Variants in DSEL observed in about 807,000 individuals in gnomAD.
DSEL encodes dermatan-sulfate epimerase-like protein.
In DSEL, 61 loss-of-function variants were observed where a neutral mutation model predicts 96.6. The observed-to-expected ratio is 0.63, with a 90% CI of 0.51 to 0.78. DSEL has a LOEUF of 0.78. Ranked by LOEUF, DSEL falls within the 30% of genes least tolerant of loss-of-function variation. The pLI is 0.00. For synonymous variants in DSEL, 514 were observed against 502.0 expected (o/e 1.02, Z -0.32); for missense variants, 1,320 against 1,430.8 (o/e 0.92, Z 1.25).
Position 67,512,235 on chromosome 18 carries a change from G to A in DSEL, c.2374C>T (p.Arg792Cys), listed in dbSNP as rs145784280. 3.1e-4 allele frequency: 500 copies of A among 1,613,980 alleles called. 4 individuals carry two copies. In the African/African-American group the frequency reaches 4.3e-3, roughly 14 times the overall value. ...AGTTTTCTAAAAGAAAGGTAAAAAC[G>A]CCATTGGAAAGTTAAAATCACCAAG... ...ISLVILTFQW[R>C]FYLSFRKLMR... The change falls in exon 2 of 2, where the codon CGT becomes TGT. Residue 792 changes from arginine to cysteine, a missense_variant. Around this residue, in one of 3 missense-constraint regions of DSEL, gnomAD observed 986 missense variants for 1,066.4 expected, o/e 0.92. Coordinates refer to ENST00000310045, the MANE Select transcript of DSEL (RefSeq NM_032160.3).
chr18:67,513,097 A>C lies in DSEL; in HGVS notation c.1512T>G (p.Ala504=). ...LSHLNNVLVF[A]PSPSSQCNKP... ...TATTACACTGGCTTGAGGGTGATGG[A>C]GCAAACACCAATACATTGTTAAGGT... Residue 504 remains alanine (A), a synonymous_variant, in exon 2 of 2, where the codon GCT becomes GCG. Transcript: ENST00000310045. 1 of 1,614,164 alleles carries C rather than the reference A, an allele frequency of 6.2e-7. No individual in the cohort carries two copies. The highest frequency in any genetic ancestry group is 8.5e-7 in the Non-Finnish European group (1 of 1,180,036).
Position 67,508,209 on chromosome 18 carries a change from C to T in DSEL, c.*2761G>A, listed in dbSNP as rs887195263. On this transcript the variant is annotated 3_prime_UTR_variant, in exon 2 of 2. Coordinates refer to ENST00000310045, the MANE Select transcript of DSEL (RefSeq NM_032160.3). The stretch of plus-strand genomic sequence containing the variant: ...TCCCTCTTTTAATTATTTCAAAGAA[C>T]AAAAATAAGAGTAGAAGCTATTTAA... The T allele has an allele frequency of 5.9e-5, 9 of 152,000 alleles. No homozygotes were observed. Among genetic ancestry groups the T allele is most frequent in the Non-Finnish European group, 1.3e-4 (9 of 68,000 alleles). 9.4% of individuals were successfully genotyped at this position (152,000 alleles called of 1,614,324 possible).
Position 67,514,174 on chromosome 18 carries a change from G to C in DSEL, c.435C>G (p.Val145=), listed in dbSNP as rs1446765854. ...CAACCATCCTGTCCATATATTCCAA[G>C]ACAAATTCAAAGGCAACTTTGTCTT... The part of the protein sequence containing the change: ...CPEDKVAFEF[V]LEYMDRMVGY... Residue 145 remains valine (V), a synonymous_variant, in exon 2 of 2, where the codon GTC becomes GTG. Transcript: ENST00000310045. 1 of 1,614,156 alleles carries C rather than the reference G, an allele frequency of 6.2e-7. No individual in the cohort carries two copies. The highest frequency in any genetic ancestry group is 1.1e-5 in the South Asian group (1 of 91,078).
Position 67,512,271 on chromosome 18 carries a change from AAATT to A in DSEL, c.2334_2337del (p.Leu778PhefsTer7). On this transcript the variant is annotated frameshift_variant, in exon 2 of 2. Transcript: ENST00000310045. LOFTEE classifies it high-confidence loss of function. ...GTTAAAATCACCAAGCTAATGCACAAAATTAATCCAACTGCTATATTAAATTTAA... is the reference window on the plus strand; with the variant it reads ...GTTAAAATCACCAAGCTAATGCACAAAATCCAACTGCTATATTAAATTTAA... The A allele has an allele frequency of 1.9e-6, 3 of 1,614,126 alleles. No homozygotes were observed. The highest frequency in any genetic ancestry group is 2.5e-6 in the Non-Finnish European group (3 of 1,180,026).
rs573559699 is a variant in DSEL, at chr18:67,514,387, T to G, written c.222A>C (p.Ala74=). Residue 74 remains alanine (A), a synonymous_variant, in exon 2 of 2, where the codon GCA becomes GCC. Coordinates refer to ENST00000310045, the MANE Select transcript of DSEL (RefSeq NM_032160.3). ...SLYFDAGEIQ[A]MRQKSRASHL... is the part of the protein sequence containing the mutation. Reference sequence around the variant, plus strand: ...GGCTTGCACGAGACTTTTGTCTCATTGCTTGGATTTCTCCAGCATCAAAAT... The same window carrying G: ...GGCTTGCACGAGACTTTTGTCTCATGGCTTGGATTTCTCCAGCATCAAAAT... The G allele has an allele frequency of 3.7e-6, 6 of 1,614,228 alleles. No homozygotes were observed. In the South Asian group the frequency reaches 6.6e-5, roughly 18 times the overall value.
chr18:67,512,477 G>C lies in DSEL; in HGVS notation c.2132C>G (p.Thr711Ser), dbSNP rs1482730809. The C allele has an allele frequency of 1.2e-6, 2 of 1,614,008 alleles. No homozygotes were observed. Among genetic ancestry groups the C allele is most frequent in the Non-Finnish European group, 8.5e-7 (1 of 1,179,906 alleles). The change falls in exon 2 of 2, where the codon ACT (threonine) becomes AGT (serine). Residue 711 changes from threonine (T) to serine (S), a missense_variant. Transcript: ENST00000310045. ...AGTTACAATAGAAACAACATGTTCA[G>C]TATTATTGACATTGAGAGAAATCTG... ...GLQISLNVNN[T>S]EHVVSIVTDY...
rs777341045 is a variant in DSEL, at chr18:67,515,125, A to G, written c.-517T>C. 1.2e-5 allele frequency: 2 copies of G among 168,524 alleles called. No homozygotes were observed. The highest frequency in any genetic ancestry group is 3.8e-4 in the East Asian group (2 of 5,210). 10.4% of individuals were successfully genotyped at this position (168,524 alleles called of 1,614,324 possible). Reference sequence around the variant, plus strand: ...ATGAAGTACTGACATTCTTCGAGTGAGTGGACTCAGTTGTCATTCCTCTCA... The same window carrying G: ...ATGAAGTACTGACATTCTTCGAGTGGGTGGACTCAGTTGTCATTCCTCTCA... On this transcript the variant is annotated 5_prime_UTR_variant, in exon 2 of 2. Transcript: ENST00000310045.
Position 67,511,525 on chromosome 18 carries a change from G to C in DSEL, c.3084C>G (p.Tyr1028Ter). The change falls in exon 2 of 2, where the codon TAC (tyrosine) becomes TAG (stop). Residue 1028 changes from tyrosine to a stop codon, truncating the protein, a stop_gained. Transcript: ENST00000310045. LOFTEE classifies it high-confidence loss of function. ...TCCATGCCCGAGGGTCTCTTACTATGTACAATGCCCTCATCGAAGCTCCTA... is the reference window on the plus strand; with the variant it reads ...TCCATGCCCGAGGGTCTCTTACTATCTACAATGCCCTCATCGAAGCTCCTA... ...EVLGASMRAL[Y>*]IVRDPRAWIY... is the part of the protein sequence containing the mutation. 6.2e-7 allele frequency: 1 copy of C among 1,613,696 alleles called. No homozygotes were observed. The highest frequency in any genetic ancestry group is 8.5e-7 in the Non-Finnish European group (1 of 1,179,996).
Position 67,506,622 on chromosome 18 carries a change from T to C in DSEL, c.*4348A>G, listed in dbSNP as rs1211460509. 6.6e-6 allele frequency: 1 copy of C among 151,626 alleles called. No individual in the cohort carries two copies. The highest frequency in any genetic ancestry group is 6.6e-5 in the Admixed American group (1 of 15,200). The allele number at this position is 151,626 out of a possible 1,614,324, so 9.4% of individuals were successfully genotyped here. On this transcript the variant is annotated 3_prime_UTR_variant, in exon 2 of 2. Transcript: ENST00000310045. ...CTTTTTATTTTTGTATTAACAGGAG[T>C]CTTATTACACATAGGTCTGATAAAA...
chr18:67,507,672 C>T lies in DSEL; in HGVS notation c.*3298G>A, dbSNP rs2089418030. The T allele has an allele frequency of 6.6e-6, 1 of 152,060 alleles. No individual in the cohort carries two copies. The highest frequency in any genetic ancestry group is 2.4e-5 in the African/African-American group (1 of 41,396). 9.4% of individuals were successfully genotyped at this position (152,060 alleles called of 1,614,324 possible). Reference sequence around the variant, plus strand: ...ATTTGCAGAGGGCAATGTAGCAAGACCTGGGAATTTTGATACAAGGAAGGA... The same window carrying T: ...ATTTGCAGAGGGCAATGTAGCAAGATCTGGGAATTTTGATACAAGGAAGGA... On this transcript the variant is annotated 3_prime_UTR_variant, in exon 2 of 2. Coordinates refer to ENST00000310045, the MANE Select transcript of DSEL (RefSeq NM_032160.3).
rs779509082 is a variant in DSEL at position 67,513,761 on chromosome 18, G to A, written c.848C>T (p.Thr283Ile). Residue 283 changes from threonine to isoleucine, a missense_variant, in exon 2 of 2, where the codon ACA becomes ATA. Thr to Ile is a moderately conservative substitution (Grantham distance 89). Transcript: ENST00000310045. ...AACATACTGTGTGACGGATTTAGCT[G>A]TGTAGCTTCCATAGGCCACACCTTC... The part of the protein sequence containing the change: ...LDEGVAYGSY[T>I]AKSVTQYVFL... 1.2e-6 allele frequency: 2 copies of A among 1,614,206 alleles called. No homozygotes were observed. The highest frequency in any genetic ancestry group is 1.7e-6 in the Non-Finnish European group (2 of 1,180,036).
At position 67,512,240 on chromosome 18, in the gene DSEL, T is replaced by G; in HGVS notation, c.2369A>C (p.Gln790Pro). ...TCTAAAAGAAAGGTAAAAACGCCAT[T>G]GGAAAGTTAAAATCACCAAGCTAAT... ...LCISLVILTF[Q>P]WRFYLSFRKL... Residue 790 changes from glutamine to proline, a missense_variant, in exon 2 of 2, where the codon CAA (glutamine) becomes CCA (proline). Physicochemically the swap from Gln to Pro is moderately conservative, Grantham distance 76 (BLOSUM62 -1). Around this residue, in one of 3 missense-constraint regions of DSEL, gnomAD observed 986 missense variants for 1,066.4 expected, o/e 0.92. Transcript: ENST00000310045. 1.2e-6 allele frequency: 2 copies of G among 1,614,062 alleles called. No individual in the cohort carries two copies. Among genetic ancestry groups the G allele is most frequent in the East Asian group, 4.5e-5 (2 of 44,882 alleles).
At chr18:67,515,566 A>G (rs1316596780) in intron 1 of DSEL, 74 bp from the exon 2 acceptor site, 1 of 159,648 alleles carries the variant, frequency 6.3e-6, no homozygotes, top group East Asian at 1.9e-4. Context: ...CTGATGACTT[A>G]AACATTCTGC....
In DSEL at chr18:67,514,007, CATATTTTTTCCAG is replaced by C; in HGVS notation, c.589_601del (p.Leu197GlyfsTer29). 6.2e-7 allele frequency: 1 copy of C among 1,614,104 alleles called. No homozygotes were observed. The highest frequency in any genetic ancestry group is 8.5e-7 in the Non-Finnish European group (1 of 1,180,016). ...CTCGTACATTTCCTCAGTAATAACCCATATTTTTTCCAGGTATTTTTGTCTTCGATGATTATCT... is the reference window on the plus strand; with the variant it reads ...CTCGTACATTTCCTCAGTAATAACCCGTATTTTTGTCTTCGATGATTATCT... On this transcript the variant is annotated frameshift_variant, in exon 2 of 2. Coordinates refer to ENST00000310045, the MANE Select transcript of DSEL (RefSeq NM_032160.3). LOFTEE classifies it high-confidence loss of function.
In DSEL at chr18:67,511,416, C is replaced by G; in HGVS notation, c.3193G>C (p.Glu1065Gln). 6.2e-7 allele frequency: 1 copy of G among 1,604,320 alleles called. No homozygotes were observed. Residue 1065 changes from glutamate to glutamine, a missense_variant, in exon 2 of 2, where the codon GAG becomes CAG. By Grantham distance (29) the Glu-to-Gln change is conservative. Transcript: ENST00000310045. ...PEHLAKLFKI[E>Q]GGKGKCNLNS... ...AAGTTACATTTGCCTTTACCTCCCT[C>G]TATTTTAAACAATTTTGCTAAATGC... is the stretch of plus-strand genomic sequence containing the variant.
In DSEL at chr18:67,507,125, G is replaced by C. The variant is rs2089414452; in HGVS notation, c.*3845C>G. 6.6e-5 allele frequency: 10 copies of C among 152,080 alleles called. No individual in the cohort carries two copies. The highest frequency in any genetic ancestry group is 6.5e-4 in the Admixed American group (10 of 15,272). The allele number at this position is 152,080 out of a possible 1,614,324, so 9.4% of individuals were successfully genotyped here. On this transcript the variant is annotated 3_prime_UTR_variant, in exon 2 of 2. Coordinates refer to ENST00000310045, the MANE Select transcript of DSEL (RefSeq NM_032160.3). ...GCATTTTGGGAGGCCCAGGTGGGCA[G>C]ATCACCAGGTCAAGAGATTGAGACC...
rs189433489 is a variant in DSEL, at chr18:67,507,455, T to A, written c.*3515A>T. 6.6e-6 allele frequency: 1 copy of A among 152,136 alleles called. No individual in the cohort carries two copies. Among genetic ancestry groups the A allele is most frequent in the African/African-American group, 2.4e-5 (1 of 41,508 alleles). The allele number at this position is 152,136 out of a possible 1,614,324, so 9.4% of individuals were successfully genotyped here. On this transcript the variant is annotated 3_prime_UTR_variant, in exon 2 of 2. Coordinates refer to ENST00000310045, the MANE Select transcript of DSEL (RefSeq NM_032160.3). ...TTTCCTAAATCAACAAATGAAAACGTTTCTATTTCTGATCAAAGTTAATCA... is the reference window on the plus strand; with the variant it reads ...TTTCCTAAATCAACAAATGAAAACGATTCTATTTCTGATCAAAGTTAATCA...
chr18:67,511,872 T>C lies in DSEL; in HGVS notation c.2737A>G (p.Ser913Gly). Residue 913 changes from serine (S) to glycine (G), a missense_variant, in exon 2 of 2, where the codon AGT becomes GGT. Ser to Gly is a moderately conservative substitution (Grantham distance 56). Coordinates refer to ENST00000310045, the MANE Select transcript of DSEL (RefSeq NM_032160.3). ...CCTCGGAGTAAACGAAAATGCCCACTGCGGATATCTGACACCTTCCATTCA... is the reference window on the plus strand; with the variant it reads ...CCTCGGAGTAAACGAAAATGCCCACCGCGGATATCTGACACCTTCCATTCA... ...ACEWKVSDIR[S>G]GHFRLLRGWL... The C allele has an allele frequency of 6.2e-7, 1 of 1,614,222 alleles. No homozygotes were observed. Among genetic ancestry groups the C allele is most frequent in the Non-Finnish European group, 8.5e-7 (1 of 1,180,048 alleles).
rs2144053405 is a variant in DSEL at position 67,513,600 on chromosome 18, A to C, written c.1009T>G (p.Phe337Val). 1 of 1,614,168 alleles carries C rather than the reference A, an allele frequency of 6.2e-7. No individual in the cohort carries two copies. The highest frequency in any genetic ancestry group is 1.6e-4 in the Middle Eastern group (1 of 6,062). The change falls in exon 2 of 2, where the codon TTT (phenylalanine) becomes GTT (valine). Residue 337 changes from phenylalanine to valine, a missense_variant. This residue lies in a region of DSEL where 986 missense variants were observed against 1,066.4 expected (regional missense o/e 0.92). Transcript: ENST00000310045. The part of the protein sequence containing the change: ...VGIADSNYNW[F>V]YGPESQLVFL... ...ACTAGCTGGCTTTCTGGACCATAAA[A>C]CCAATTATAATTGGAATCTGCTATA... is the stretch of plus-strand genomic sequence containing the variant.
Sources: gnomAD v4.1 joint callset for allele counts on GRCh38, gnomAD v4.1.1 for gene constraint, gnomAD v4.1.1 regional missense constraint, MANE v1.5 for transcripts, NCBI Gene and HGNC (gene_info 2026-07-23, HGNC 2026-07-21) for gene names.